Variants in GNA11 observed in about 807,000 individuals in gnomAD.
GNA11 encodes G protein subunit alpha 11.
A neutral mutation model predicts 38.2 loss-of-function variants in GNA11; 8 were observed. The ratio of observed to expected loss-of-function variants is 0.21; its 90% CI spans 0.12 to 0.38. The LOEUF (loss-of-function observed/expected upper bound fraction) is 0.38. GNA11 is among the 10% of genes least tolerant of loss of function. The pLI is 1.00. For missense variants in GNA11, 268 were observed against 516.3 expected, an observed-to-expected ratio of 0.52 and a Z score of 4.66; for synonymous variants, 211 against 221.4, an observed-to-expected ratio of 0.95 and a Z score of 0.42.
At chr19:3,096,627 G>A (rs1403689700) in intron 1 of GNA11, among the ~76,000 whole-genome samples, 2 of 152,258 alleles carry the variant, frequency 1.3e-5, no homozygotes, top group South Asian at 2.1e-4. Flanking sequence ...GAAGTGATGC[G>A]GCCCTTCCCG....
In GNA11 at chr19:3,113,331, C is replaced by G. The variant is rs2145318412; in HGVS notation, c.323C>G (p.Ala108Gly). The change falls in exon 3 of 7, where the codon GCC (alanine) becomes GGC (glycine). Residue 108 changes from alanine to glycine, a missense_variant and splice_region_variant. Physicochemically the swap from Ala to Gly is moderately conservative, Grantham distance 60. Transcript: ENST00000078429. ...CGTCTCCCCTGCCCGCCCTCGCAGGCCAATGCGCTCCTGATCCGGGAGGTG... is the reference window on the plus strand; with the variant it reads ...CGTCTCCCCTGCCCGCCCTCGCAGGGCAATGCGCTCCTGATCCGGGAGGTG... ...KILYKYEQNKANALLIREVDV... is the reference protein window; with the variant it reads ...KILYKYEQNKGNALLIREVDV... 13 of 1,613,116 alleles carry G rather than the reference C, an allele frequency of 8.1e-6. No individual in the cohort carries two copies. The highest frequency in any genetic ancestry group is 1.0e-5 in the Non-Finnish European group (12 of 1,179,762).
intron 2 of GNA11, among the ~76,000 whole-genome samples, chr19:3,112,920 C>T (rs566193283): frequency 3.3e-5 from 5 of 152,334 alleles, no homozygotes; most frequent in South Asian, 4.1e-4. Flanking sequence ...TTCGAGGCAG[C>T]GAGTGCTGGG....
chr19:3,113,189 G>A (rs1331001901), intron 2 of GNA11, 141 bp from the exon 3 acceptor site: 9 of 733,972 alleles, frequency 1.2e-5, no homozygotes, highest in Admixed American at 4.6e-5. Context: ...GTGTTCACAC[G>A]GAACTGTCAG....
rs555897208 is a variant in GNA11 at position 3,096,260 on chromosome 19, T to A, written c.136+1473T>A. The stretch of plus-strand genomic sequence containing the variant: ...CTTGTGTTTTGATTTACCTAAGGGT[T>A]CTAAAATGGGCCATCTTTCCAGGGG... On this transcript the variant is annotated intron_variant, in intron 1 of 6. Coordinates refer to ENST00000078429, the MANE Select transcript of GNA11 (RefSeq NM_002067.5). Among the ~76,000 whole-genome samples, 4 of 132,794 alleles carry A rather than the reference T, an allele frequency of 3.0e-5. No individual in the cohort carries two copies. The South Asian group carries it at 9.9e-4, about 33-fold the overall frequency. 87.1% of individuals were successfully genotyped at this position (132,794 alleles called of 152,430 possible).
rs1261865553 is a variant in GNA11 at position 3,121,382 on chromosome 19, G to A, written c.*203G>A. On this transcript the variant is annotated 3_prime_UTR_variant, in exon 7 of 7. Coordinates refer to ENST00000078429, the MANE Select transcript of GNA11 (RefSeq NM_002067.5). ...GTACATCTCTCCCTCCGTACACTTC[G>A]CGCACCTTCTCACCTTTTGTCAACG... is the stretch of plus-strand genomic sequence containing the variant. The A allele has an allele frequency of 2.4e-6, 1 of 419,850 alleles. No individual in the cohort carries two copies. Among genetic ancestry groups the A allele is most frequent in the African/African-American group, 2.1e-5 (1 of 48,166 alleles). The allele number at this position is 419,850 out of a possible 1,614,324, so 26.0% of individuals were successfully genotyped here. A position where few individuals can be genotyped will look rare whatever the true frequency, so the allele number is the denominator to read the frequency against.
intron 1 of GNA11, among the ~76,000 whole-genome samples, chr19:3,096,264 A>G (rs1274403894): frequency 8.6e-6 from 1 of 116,750 alleles, no homozygotes; most frequent in African/African-American, 3.4e-5. Context: ...AAGGGTTCTA[A>G]AATGGGCCAT....
At chr19:3,097,205 TGCA>T (rs55938250) in intron 1 of GNA11, among the ~76,000 whole-genome samples, 21,443 of 152,086 alleles carry the variant, frequency 0.14, 1,797 homozygotes, top group Non-Finnish European at 0.19. Context: ...GCTGTTGGGC[TGCA>T]GCAGGTGGCT....
At chr19:3,098,740 C>G (rs1166667455) in intron 1 of GNA11, among the ~76,000 whole-genome samples, 2 of 152,184 alleles carry the variant, frequency 1.3e-5, no homozygotes, top group African/African-American at 4.8e-5. Flanking sequence ...AGCGTGGCCT[C>G]TGGCGCCTGG....
Position 3,113,377 on chromosome 19 carries a change from C to T in GNA11, c.369C>T (p.Thr123=). 2 of 1,613,464 alleles carry T rather than the reference C, an allele frequency of 1.2e-6. No individual in the cohort carries two copies. The highest frequency in any genetic ancestry group is 1.6e-4 in the Middle Eastern group (1 of 6,062). Residue 123 remains threonine (T), a synonymous_variant, in exon 3 of 7, where the codon ACC becomes ACT. Coordinates refer to ENST00000078429, the MANE Select transcript of GNA11 (RefSeq NM_002067.5). ...AGGTGGACGTGGAGAAGGTGACCAC[C>T]TTCGAGCATCAGTACGTCAGTGCCA... ...IREVDVEKVT[T]FEHQYVSAIK... is the part of the protein sequence containing the mutation.
chr19:3,114,909 G>A (rs761901083), intron 3 of GNA11, 35 bp from the exon 4 acceptor site: 10 of 1,523,536 alleles, frequency 6.6e-6, no homozygotes, highest in South Asian at 4.8e-5. Context: ...CCCCACCCCC[G>A]GCAGCCGGCC....
Position 3,120,884 on chromosome 19 carries a change from G to T in GNA11, c.890-105G>T, listed in dbSNP as rs770960576. The T allele has an allele frequency of 5.2e-6, 4 of 764,300 alleles. No homozygotes were observed. Among genetic ancestry groups the T allele is most frequent in the Non-Finnish European group, 8.4e-6 (4 of 474,862 alleles). The allele number at this position is 764,300 out of a possible 1,614,324, so 47.3% of individuals were successfully genotyped here. A position where few individuals can be genotyped will look rare whatever the true frequency, so the allele number is the denominator to read the frequency against. ...AGTGGGCTGGGGGTCGAGCTGGGTG[G>T]GCCGTGGGCCTTACTCGCTCATCCC... On this transcript the variant is annotated intron_variant, in intron 6 of 6. Coordinates refer to ENST00000078429, the MANE Select transcript of GNA11 (RefSeq NM_002067.5). The surrounding 1 kb of genome is among the most constrained non-coding windows in gnomAD (Gnocchi z 5.9).
chr19:3,118,868 T>C, intron 4 of GNA11, 56 bp from the exon 5 acceptor site: 3 of 1,571,118 alleles, frequency 1.9e-6, no homozygotes, highest in Non-Finnish European at 2.6e-6. Context: ...GTCCTGGGAT[T>C]GCAGATTGGG....
chr19:3,099,538 G>A (rs1230982146), intron 1 of GNA11, among the ~76,000 whole-genome samples: 4 of 152,152 alleles, frequency 2.6e-5, no homozygotes, highest in Non-Finnish European at 4.4e-5. Flanking sequence ...GGAGCATCCC[G>A]CCCGGGGGGC....
intron 1 of GNA11, among the ~76,000 whole-genome samples, chr19:3,106,681 A>ATG (rs1568280904): frequency 6.6e-6 from 1 of 152,332 alleles, no homozygotes; most frequent in Admixed American, 6.5e-5. Context: ...TACGGGCTGC[A>ATG]TGTGTGTGTA....
chr19:3,112,084 T>TCAG (rs149862916), intron 2 of GNA11, among the ~76,000 whole-genome samples: 10,498 of 152,224 alleles, frequency 0.069, 782 homozygotes, highest in African/African-American at 0.19. Context: ...CCATGGTGCT[T>TCAG]CAGCAGCAGC....
At chr19:3,095,190 C>T (rs114346744) in intron 1 of GNA11, among the ~76,000 whole-genome samples, 385 of 152,242 alleles carry the variant, frequency 2.5e-3, no homozygotes, top group African/African-American at 8.9e-3. Flanking sequence ...TGGGACTCTC[C>T]GGTGTCAGCC....
At chr19:3,100,893 C>T (rs1339958451) in intron 1 of GNA11, among the ~76,000 whole-genome samples, 1 of 152,172 alleles carries the variant, frequency 6.6e-6, no homozygotes, top group Non-Finnish European at 1.5e-5. Flanking sequence ...CCCTCTTGTC[C>T]CCTGTGGCTG....
chr19:3,121,801 G>GGGGGGGGGGGGGGC lies in GNA11; in HGVS notation c.*622_*623insGGGGGGGGGGGGGC. On this transcript the variant is annotated 3_prime_UTR_variant, in exon 7 of 7. Coordinates refer to ENST00000078429, the MANE Select transcript of GNA11 (RefSeq NM_002067.5). ...TGGACTCCTGAAGAGGGGGTGGGGG[G>GGGGGGGGGGGGGGC]CTCCCTCGGTCGCCCACCCTGGGAA... The GGGGGGGGGGGGGGC allele has an allele frequency of 4.3e-6, 1 of 232,568 alleles. No homozygotes were observed. Among genetic ancestry groups the GGGGGGGGGGGGGGC allele is most frequent in the Non-Finnish European group, 8.5e-6 (1 of 117,534 alleles). 14.4% of individuals were successfully genotyped at this position (232,568 alleles called of 1,614,324 possible). A position where few individuals can be genotyped will look rare whatever the true frequency, so the allele number is the denominator to read the frequency against.
intron 1 of GNA11, among the ~76,000 whole-genome samples, chr19:3,097,559 T>A (rs1316845810): frequency 6.6e-6 from 1 of 152,228 alleles, no homozygotes; most frequent in Non-Finnish European, 1.5e-5. Context: ...GAGCATGTTC[T>A]GGAAGAACGC....
Sources: allele counts gnomAD v4.1 joint callset (sites outside exome capture counted in the v4.1 genomes callset), GRCh38; gene constraint gnomAD v4.1.1; non-coding constraint Gnocchi (gnomAD v3.1); transcripts MANE v1.5; gene names NCBI Gene and HGNC (gene_info 2026-07-23, HGNC 2026-07-21).